KCNK7: variants seen among roughly 807,000 people sequenced by gnomAD.
KCNK7 encodes potassium two pore domain channel subfamily K member 7.
A neutral mutation model predicts 18.1 loss-of-function variants in KCNK7; 14 were observed. The ratio of observed to expected loss-of-function variants is 0.77; its 90% CI spans 0.51 to 1.21. KCNK7 has a LOEUF of 1.21. Among genes scored for constraint, KCNK7 ranks in the 50% most tolerant of loss-of-function variants. The pLI, the probability that KCNK7 is intolerant of heterozygous loss-of-function variation, is 0.00. For synonymous variants in KCNK7, 188 were observed against 184.7 expected (o/e 1.02, Z -0.15); for missense variants, 385 against 387.3 (o/e 0.99, Z 0.05).
chr11:65,593,345 A>G, intron 2 of KCNK7, 131 bp downstream of exon 2: 1 of 1,613,478 alleles, frequency 6.2e-7, no homozygotes, highest in Non-Finnish European at 8.5e-7. Context: ...CTCTTCGACT[A>G]CCCCTCCCAC....
chr11:65,593,690 C>T lies in KCNK7; in HGVS notation c.504G>A (p.Leu168=), dbSNP rs1405187845. 1.2e-6 allele frequency: 2 copies of T among 1,606,994 alleles called. No homozygotes were observed. Among genetic ancestry groups the T allele is most frequent in the Non-Finnish European group, 1.7e-6 (2 of 1,179,078 alleles). ...GCAGTCCCAGTGCAACTGCCTGCAG[C>T]AGCGCAGCCCTGGCCGGTGACAGCT... ...HWQLSPARAA[L]LQAVALGLLV... is the part of the protein sequence containing the mutation. Residue 168 remains leucine (L), a synonymous_variant, in exon 2 of 3, where the codon CTG becomes CTA. Coordinates refer to ENST00000340313, the MANE Select transcript of KCNK7 (RefSeq NM_033347.2).
At position 65,595,760 on chromosome 11, in the gene KCNK7, T is replaced by A; in HGVS notation, c.13A>T (p.Arg5Trp). Reference sequence around the variant, plus strand: ...AGGAGCCCGTATCGGGACCAGGGCCTTAGACCCCCCATGGCAGGCCGCTGG... The same window carrying A: ...AGGAGCCCGTATCGGGACCAGGGCCATAGACCCCCCATGGCAGGCCGCTGG... MGGL[R>W]PWSRYGLLVV... The change falls in exon 1 of 3, where the codon AGG becomes TGG. Residue 5 changes from arginine (R) to tryptophan (W), a missense_variant. Arg to Trp is a moderately radical substitution (Grantham distance 101). Coordinates refer to ENST00000340313, the MANE Select transcript of KCNK7 (RefSeq NM_033347.2). The A allele has an allele frequency of 1.3e-6, 2 of 1,538,748 alleles. No individual in the cohort carries two copies. The highest frequency in any genetic ancestry group is 1.8e-6 in the Non-Finnish European group (2 of 1,134,300).
intron 1 of KCNK7, 41 bp downstream of exon 1, chr11:65,595,413 T>C (rs758660306): frequency 7.2e-7 from 1 of 1,387,472 alleles, no homozygotes; most frequent in Non-Finnish European, 9.5e-7. Flanking sequence ...CCATGGCCTC[T>C]TGGAGCCGCA....
rs1165446938 is a variant in KCNK7, at chr11:65,593,879, A to T, written c.320-5T>A. The T allele has an allele frequency of 6.6e-7, 1 of 1,521,732 alleles. No homozygotes were observed. The highest frequency in any genetic ancestry group is 1.4e-5 in the African/African-American group (1 of 72,246). The allele number at this position is 1,521,732 out of a possible 1,614,324, so 94.3% of individuals were successfully genotyped here. Reference sequence around the variant, plus strand: ...GTGGGGCCATGTGGCCATAACCTGGAGAAGAGAGAGTCAGTGGACAGTGAG... The same window carrying T: ...GTGGGGCCATGTGGCCATAACCTGGTGAAGAGAGAGTCAGTGGACAGTGAG... On this transcript the variant is annotated splice_polypyrimidine_tract_variant and splice_region_variant and intron_variant, in intron 1 of 2. Coordinates refer to ENST00000340313, the MANE Select transcript of KCNK7 (RefSeq NM_033347.2).
At position 65,593,018 on chromosome 11, in the gene KCNK7, G is replaced by C. The variant is rs150524390; in HGVS notation, c.911C>G (p.Ala304Gly). The C allele has an allele frequency of 2.6e-4, 422 of 1,613,188 alleles. 3 individuals are homozygous for C. The African/African-American group carries it at 5.1e-3, about 20-fold the overall frequency. ...LPPAAPASGQ[A>G]PAC ...TCACCTGACGCTTCAGCAAGCAGGG[G>C]CTTGTCCTGAAGCTGGGGCCGCGGG... The change falls in exon 3 of 3, where the codon GCC (alanine) becomes GGC (glycine). Residue 304 changes from alanine (A) to glycine (G), a missense_variant. Coordinates refer to ENST00000340313, the MANE Select transcript of KCNK7 (RefSeq NM_033347.2).
Position 65,593,646 on chromosome 11 carries a change from A to G in KCNK7, c.548T>C (p.Val183Ala), listed in dbSNP as rs147690740. The stretch of plus-strand genomic sequence containing the variant: ...CCACAGCACCAGCGCTGGCAGCAGC[A>G]CAAAGCTGCTGGCCACCAGCAGTCC... The part of the protein sequence containing the change: ...ALGLLVASSF[V>A]LLPALVLWGL... Residue 183 changes from valine (V) to alanine (A), a missense_variant, in exon 2 of 3, where the codon GTG (valine) becomes GCG (alanine). Transcript: ENST00000340313. 60 of 1,604,498 alleles carry G rather than the reference A, an allele frequency of 3.7e-5. No homozygotes were observed. The highest frequency in any genetic ancestry group is 4.9e-5 in the Non-Finnish European group (58 of 1,179,094).
At chr11:65,593,420 C>T in intron 2 of KCNK7, 56 bp downstream of exon 2, 1 of 1,613,738 alleles carries the variant, frequency 6.2e-7, no homozygotes, top group Non-Finnish European at 8.5e-7. Context: ...TATGGGAGTC[C>T]TAGTCCAGGC....
At chr11:65,593,963 A>AGGCCACCAGAG in intron 1 of KCNK7, 89 bp from the exon 2 acceptor site, 2 of 1,395,404 alleles carry the variant, frequency 1.4e-6, no homozygotes, top group Non-Finnish European at 1.9e-6. Flanking sequence ...CTTCCGCAGA[A>AGGCCACCAGAG]GGCTGCCCTC....
In KCNK7 at chr11:65,593,118, G is replaced by A; in HGVS notation, c.811C>T (p.Pro271Ser). The change falls in exon 3 of 3, where the codon CCC (proline) becomes TCC (serine). Residue 271 changes from proline (P) to serine (S), a missense_variant. Transcript: ENST00000340313. ...TCCTCAGCAGTCACAGGACCACTGGGTCTGAAGAACTTCCCCATGGCACGG... is the reference window on the plus strand; with the variant it reads ...TCCTCAGCAGTCACAGGACCACTGGATCTGAAGAACTTCCCCATGGCACGG... ...QVRAMGKFFR[P>S]SGPVTAEDQG... 1 of 1,613,948 alleles carries A rather than the reference G, an allele frequency of 6.2e-7. No individual in the cohort carries two copies. Among genetic ancestry groups the A allele is most frequent in the South Asian group, 1.1e-5 (1 of 91,038 alleles).
Position 65,593,847 on chromosome 11 carries a change from G to A in KCNK7, c.347C>T (p.Pro116Leu). ...TGYGHMAPLS[P>L]GGKAFCMVYA... ...GACCATGCAGAAGGCCTTTCCGCCTGGCGATAGTGGGGCCATGTGGCCATA... is the reference window on the plus strand; with the variant it reads ...GACCATGCAGAAGGCCTTTCCGCCTAGCGATAGTGGGGCCATGTGGCCATA... The change falls in exon 2 of 3, where the codon CCA becomes CTA. Residue 116 changes from proline to leucine, a missense_variant. By Grantham distance (98) the Pro-to-Leu change is moderately conservative. Transcript: ENST00000340313. 1.3e-6 allele frequency: 2 copies of A among 1,543,554 alleles called. No homozygotes were observed. Among genetic ancestry groups the A allele is most frequent in the Non-Finnish European group, 1.7e-6 (2 of 1,144,812 alleles).
intron 2 of KCNK7, 86 bp from the exon 3 acceptor site, chr11:65,593,296 C>A (rs774616652): frequency 5.6e-6 from 9 of 1,613,564 alleles, no homozygotes; most frequent in Non-Finnish European, 7.6e-6. Context: ...GCCCTGGCAA[C>A]TGGCACCACT....
chr11:65,593,815 C>A lies in KCNK7; in HGVS notation c.379G>T (p.Ala127Ser). ...GGKAFCMVYA[A>S]LGLPASLALV... is the part of the protein sequence containing the mutation. ...GCTAAGGAGGCTGGCAGCCCCAGGG[C>A]TGCATAGACCATGCAGAAGGCCTTT... is the stretch of plus-strand genomic sequence containing the variant. The change falls in exon 2 of 3, where the codon GCC becomes TCC. Residue 127 changes from alanine (A) to serine (S), a missense_variant. By Grantham distance (99) the Ala-to-Ser change is moderately conservative. Coordinates refer to ENST00000340313, the MANE Select transcript of KCNK7 (RefSeq NM_033347.2). 6.3e-7 allele frequency: 1 copy of A among 1,582,662 alleles called. No homozygotes were observed.
intron 1 of KCNK7, 46 bp from the exon 2 acceptor site, chr11:65,593,920 G>T: frequency 2.0e-6 from 3 of 1,492,260 alleles, no homozygotes; most frequent in Non-Finnish European, 2.7e-6. Context: ...TGAGTGCCAT[G>T]TCTGCTGGGG....
In KCNK7 at chr11:65,593,212, T is replaced by TG; in HGVS notation, c.719-3dup. 1 of 1,613,052 alleles carries TG rather than the reference T, an allele frequency of 6.2e-7. No homozygotes were observed. ...CCAAGAGTCCTAGAAGCAAGTAACC[T>TG]GGGGAGGAGAAGGTGCTGGGGCAGC... On this transcript the variant is annotated splice_polypyrimidine_tract_variant and splice_region_variant and intron_variant, in intron 2 of 2. Coordinates refer to ENST00000340313, the MANE Select transcript of KCNK7 (RefSeq NM_033347.2).
chr11:65,593,995 GC>G, intron 1 of KCNK7, 121 bp from the exon 2 acceptor site: 1 of 1,073,072 alleles, frequency 9.3e-7, no homozygotes, highest in Non-Finnish European at 1.3e-6. Context: ...AACTGGCCAG[GC>G]CCAGGTTCTA....
In KCNK7 at chr11:65,595,690, AAC is replaced by A; in HGVS notation, c.81_82del (p.Phe28ProfsTer14). 1 of 1,602,574 alleles carries A rather than the reference AAC, an allele frequency of 6.2e-7. No individual in the cohort carries two copies. Among genetic ancestry groups the A allele is most frequent in the Non-Finnish European group, 8.5e-7 (1 of 1,174,686 alleles). On this transcript the variant is annotated frameshift_variant, in exon 1 of 3. Transcript: ENST00000340313. LOFTEE classifies it high-confidence loss of function. Reference sequence around the variant, plus strand: ...TGCAGGAGGCCCCTCCAGGGCCTGGAACACCACAGCCCCAAGCCCCAGGGCCA... The same window carrying A: ...TGCAGGAGGCCCCTCCAGGGCCTGGAACCACAGCCCCAAGCCCCAGGGCCA...
rs940004330 is a variant in KCNK7, at chr11:65,594,696, C to A, written c.319+758G>T. On this transcript the variant is annotated intron_variant, in intron 1 of 2. Coordinates refer to ENST00000340313, the MANE Select transcript of KCNK7 (RefSeq NM_033347.2). ...AACAGCCTGGCCAACATGGCAAAAC[C>A]CCGTCTCTACTAAAAACACAAAAAT... 2.0e-5 allele frequency among the ~76,000 whole-genome samples: 3 copies of A among 152,004 alleles called. No individual in the cohort carries two copies. The South Asian group carries it at 6.2e-4, about 32-fold the overall frequency.
Position 65,593,150 on chromosome 11 carries a change from G to T in KCNK7, c.779C>A (p.Pro260Gln), listed in dbSNP as rs370398481. The part of the protein sequence containing the change: ...LLAVETFSEL[P>Q]QVRAMGKFFR... ...GAACTTCCCCATGGCACGGACCTGC[G>T]GCAGCTCAGAGAAGGTCTCCACTGC... The change falls in exon 3 of 3, where the codon CCG (proline) becomes CAG (glutamine). Residue 260 changes from proline to glutamine, a missense_variant. Pro to Gln is a moderately conservative substitution (Grantham distance 76, BLOSUM62 -1). Transcript: ENST00000340313. The T allele has an allele frequency of 6.2e-7, 1 of 1,613,576 alleles. No homozygotes were observed. The highest frequency in any genetic ancestry group is 1.3e-5 in the African/African-American group (1 of 74,926).
At position 65,593,089 on chromosome 11, in the gene KCNK7, T is replaced by A. The variant is rs1015028896; in HGVS notation, c.840A>T (p.Gln280His). 2 of 1,613,756 alleles carry A rather than the reference T, an allele frequency of 1.2e-6. No individual in the cohort carries two copies. The highest frequency in any genetic ancestry group is 3.3e-5 in the Admixed American group (2 of 60,002). The change falls in exon 3 of 3, where the codon CAA becomes CAT. Residue 280 changes from glutamine (Q) to histidine (H), a missense_variant. Gln to His is a conservative substitution (Grantham distance 24). Coordinates refer to ENST00000340313, the MANE Select transcript of KCNK7 (RefSeq NM_033347.2). The stretch of plus-strand genomic sequence containing the variant: ...GTTCATCCTGCCCTAGGATGCCACC[T>A]TGGTCCTCAGCAGTCACAGGACCAC... ...RPSGPVTAED[Q>H]GGILGQDELA...
Sources: allele counts gnomAD v4.1 joint callset (sites outside exome capture counted in the v4.1 genomes callset), GRCh38; gene constraint gnomAD v4.1.1; transcripts MANE v1.5; gene names NCBI Gene and HGNC (gene_info 2026-07-23, HGNC 2026-07-21).